AKT3: variants seen among roughly 807,000 people sequenced by gnomAD.
AKT3 encodes AKT serine/threonine kinase 3.
Under a neutral mutation model 65.3 loss-of-function variants are expected in AKT3, and 15 were observed. The observed-to-expected ratio is 0.23, with a 90% confidence interval of 0.15 to 0.35. The LOEUF is 0.35. Ranked by LOEUF, AKT3 falls within the 10% of genes least tolerant of loss-of-function variation. AKT3 has a pLI of 1.00. For missense variants in AKT3, 243 were observed against 576.5 expected (o/e 0.42, Z 5.92); for synonymous variants, 206 against 183.8 (o/e 1.12, Z -0.98).
chr1:243,527,368 A>T (rs1217638491), intron 12 of AKT3, among the ~76,000 whole-genome samples: 2 of 152,228 alleles, frequency 1.3e-5, no homozygotes, highest in Non-Finnish European at 2.9e-5. Context: ...GATAAGTAGG[A>T]ATGCAATAAG....
chr1:243,810,282 G>C (rs1385901845), intron 2 of AKT3, among the ~76,000 whole-genome samples: 13 of 151,530 alleles, frequency 8.6e-5, no homozygotes, highest in Admixed American at 8.5e-4. Context: ...CCACTAGCAA[G>C]ACTAATAAAG....
chr1:243,842,919 A>G (rs1188308511), intron 2 of AKT3, among the ~76,000 whole-genome samples: 2 of 152,224 alleles, frequency 1.3e-5, no homozygotes, highest in African/African-American at 4.8e-5. Flanking sequence ...TAACTTAACT[A>G]GATTATAAAT....
intron 2 of AKT3, among the ~76,000 whole-genome samples, chr1:243,839,005 AAC>A (rs1404451624): frequency 6.6e-6 from 1 of 152,184 alleles, no homozygotes; most frequent in African/African-American, 2.4e-5. Context: ...TCAAAACAGT[AAC>A]ATTATGAATT....
At chr1:243,649,193 ATT>A (rs1224318791) in intron 4 of AKT3, among the ~76,000 whole-genome samples, 2 of 151,962 alleles carry the variant, frequency 1.3e-5, no homozygotes, top group Admixed American at 1.3e-4. Flanking sequence ...ATTGACATCT[ATT>A]GTCTTACTGT....
At chr1:243,837,795 T>TA (rs1378275264) in intron 2 of AKT3, among the ~76,000 whole-genome samples, 4 of 152,110 alleles carry the variant, frequency 2.6e-5, no homozygotes, top group African/African-American at 9.7e-5. Context: ...ACTTAAGTGG[T>TA]AAAATAAATG....
At chr1:243,813,816 G>T (rs1693343877) in intron 2 of AKT3, among the ~76,000 whole-genome samples, 1 of 152,160 alleles carries the variant, frequency 6.6e-6, no homozygotes, top group South Asian at 2.1e-4. Context: ...ATTTTAAAGA[G>T]TATATGGACT....
At chr1:243,600,898 T>C (rs559242339) in intron 8 of AKT3, among the ~76,000 whole-genome samples, 5 of 152,226 alleles carry the variant, frequency 3.3e-5, no homozygotes, top group South Asian at 2.1e-4. Context: ...TCATACTGGT[T>C]GGAAAGCCTA....
rs886217615 is a variant in AKT3 at position 243,835,571 on chromosome 1, T to G, written c.46+7554A>C. Among the ~76,000 whole-genome samples, 5 of 152,206 alleles carry G rather than the reference T, an allele frequency of 3.3e-5. No homozygotes were observed. The East Asian group carries it at 9.6e-4, about 29-fold the overall frequency. ...TCCTTGGCTCACCTAAGGAGCCTCT[T>G]TAGAAAACTCCCTCTAAATCACTTC... On this transcript the variant is annotated intron_variant, in intron 2 of 13. Transcript: ENST00000673466.
intron 2 of AKT3, among the ~76,000 whole-genome samples, chr1:243,816,365 G>C (rs550305874): frequency 6.6e-6 from 1 of 152,160 alleles, no homozygotes; most frequent in South Asian, 2.1e-4. Flanking sequence ...CAAAAGCTGA[G>C]GGTATCTCAG....
intron 5 of AKT3, among the ~76,000 whole-genome samples, chr1:243,642,875 A>C (rs1006618184): frequency 1.3e-5 from 2 of 152,082 alleles, no homozygotes; most frequent in Admixed American, 6.5e-5. Flanking sequence ...TCAATGAGGA[A>C]CATAAAGAAC....
intron 8 of AKT3, among the ~76,000 whole-genome samples, chr1:243,596,008 A>T (rs1676585989): frequency 6.6e-6 from 1 of 152,216 alleles, no homozygotes; most frequent in South Asian, 2.1e-4. Flanking sequence ...CATCACCAAA[A>T]CATGTGAGTA....
chr1:243,826,501 G>A (rs887832668), intron 2 of AKT3, among the ~76,000 whole-genome samples: 4 of 152,148 alleles, frequency 2.6e-5, no homozygotes, highest in South Asian at 2.1e-4. Context: ...AGCGAGCTTC[G>A]GAGAAAGCTT....
At chr1:243,524,020 C>A (rs1574532276) in intron 12 of AKT3, among the ~76,000 whole-genome samples, 1 of 152,190 alleles carries the variant, frequency 6.6e-6, no homozygotes, top group Non-Finnish European at 1.5e-5. Context: ...TAACCTACAA[C>A]ACACCTAGGC....
chr1:243,806,817 T>C (rs1035293640), intron 2 of AKT3, among the ~76,000 whole-genome samples: 12 of 152,322 alleles, frequency 7.9e-5, no homozygotes, highest in Admixed American at 4.6e-4. Context: ...TTCAAATCCA[T>C]GATCCAAATA....
chr1:243,767,329 C>T (rs972390470), intron 2 of AKT3, among the ~76,000 whole-genome samples: 1 of 151,908 alleles, frequency 6.6e-6, no homozygotes, highest in Non-Finnish European at 1.5e-5. Context: ...GAGTTAAGGC[C>T]ATTGGTTATG....
chr1:243,505,406 T>C, intron 13 of AKT3, 72 bp from the exon 14 acceptor site: 13 of 1,346,564 alleles, frequency 9.7e-6, no homozygotes, highest in Non-Finnish European at 1.4e-5. Flanking sequence ...TCTATGTTTT[T>C]TAAACTCTGA....
intron 3 of AKT3, among the ~76,000 whole-genome samples, chr1:243,688,200 A>G (rs758560708): frequency 2.6e-5 from 4 of 152,298 alleles, no homozygotes; most frequent in Non-Finnish European, 5.9e-5. Context: ...AAATGATTAA[A>G]TGATCTAAAA....
At chr1:243,652,738 GGAA>G (rs1681456062) in intron 4 of AKT3, among the ~76,000 whole-genome samples, 1 of 91,004 alleles carries the variant, frequency 1.1e-5, no homozygotes, top group South Asian at 3.5e-4. Context: ...CAAAATAAAG[GGAA>G]GAAGGAATAT....
chr1:243,635,936 T>C (rs902976356), intron 6 of AKT3, among the ~76,000 whole-genome samples: 5 of 152,018 alleles, frequency 3.3e-5, no homozygotes, highest in African/African-American at 1.2e-4. Context: ...AATAGATTTG[T>C]TGGGAGAAAG....
Sources: allele counts gnomAD v4.1 joint callset (sites outside exome capture counted in the v4.1 genomes callset), GRCh38; gene constraint gnomAD v4.1.1; transcripts MANE v1.5; gene names NCBI Gene and HGNC (gene_info 2026-07-23, HGNC 2026-07-21).